CCNL1: variants seen among roughly 807,000 people sequenced by gnomAD.
CCNL1 encodes cyclin L1.
A neutral mutation model predicts 60.6 loss-of-function variants in CCNL1; 13 were observed. The ratio of observed to expected loss-of-function variants is 0.21; its 90% CI spans 0.14 to 0.34. The LOEUF (loss-of-function observed/expected upper bound fraction) is 0.34. CCNL1 is among the 10% of genes least tolerant of loss of function. CCNL1 has a pLI of 1.00. For synonymous variants in CCNL1, 270 were observed against 244.3 expected, an observed-to-expected ratio of 1.10 and a Z score of -0.98; for missense variants, 481 against 664.3, an observed-to-expected ratio of 0.72 and a Z score of 3.03.
Position 157,159,453 on chromosome 3 carries a change from C to T in CCNL1, c.330G>A (p.Leu110=), listed in dbSNP as rs1356609497. 6 of 1,613,804 alleles carry T rather than the reference C, an allele frequency of 3.7e-6. No individual in the cohort carries two copies. In the African/African-American group the frequency reaches 8.0e-5, roughly 22 times the overall value. The change falls in exon 2 of 11, where the codon TTG becomes TTA. Residue 110 remains leucine (L), a synonymous_variant. Transcript: ENST00000295926. ...ATTTGGAGTAGAAAAAACGATGAAA[C>T]AACACCTGCCCCGTTGCCATCGCCA... ...PQVAMATGQV[L]FHRFFYSKSF...
At chr3:157,148,729 T>TC in intron 10 of CCNL1, 140 bp from the exon 11 acceptor site, 1 of 665,122 alleles carries the variant, frequency 1.5e-6, no homozygotes, top group Non-Finnish European at 2.5e-6. Context: ...TCCCCACCCC[T>TC]CACTGCTGTA....
chr3:157,159,540 C>A (rs1464439292), intron 1 of CCNL1, 61 bp from the exon 2 acceptor site: 6 of 1,483,572 alleles, frequency 4.0e-6, no homozygotes, highest in Non-Finnish European at 5.6e-6. Flanking sequence ...CAGGCGCCGC[C>A]GCCATTTTGT....
Position 157,160,120 on chromosome 3 carries a change from C to T in CCNL1, c.-26G>A, listed in dbSNP as rs1250610808. 1.3e-6 allele frequency: 2 copies of T among 1,528,988 alleles called. No individual in the cohort carries two copies. The highest frequency in any genetic ancestry group is 1.8e-6 in the Non-Finnish European group (2 of 1,135,528). The allele number at this position is 1,528,988 out of a possible 1,614,324, so 94.7% of individuals were successfully genotyped here. ...AGTCTTAGCGAGCCGCACGCAAGCC[C>T]AACGCAGCCGGAACCCGAAACAAGA... On this transcript the variant is annotated 5_prime_UTR_variant, in exon 1 of 11. Coordinates refer to ENST00000295926, the MANE Select transcript of CCNL1 (RefSeq NM_020307.4).
rs1300640681 is a variant in CCNL1 at position 157,150,083 on chromosome 3, C to T, written c.861G>A (p.Arg287=). Residue 287 remains arginine, a synonymous_variant, in exon 7 of 11, where the codon AGG becomes AGA. Coordinates refer to ENST00000295926, the MANE Select transcript of CCNL1 (RefSeq NM_020307.4). ...EIQEICIETL[R]LYTRKKPNYE... is the part of the protein sequence containing the mutation. ...AGAATACCTTTTTTCTGGTATAAAG[C>T]CTAAGTGTTTCTATGCAGATTTCCT... The T allele has an allele frequency of 1.2e-6, 2 of 1,612,160 alleles. No homozygotes were observed. The highest frequency in any genetic ancestry group is 1.7e-5 in the Admixed American group (1 of 59,594).
chr3:157,145,212 G>C (rs1195067451), downstream of CCNL1, among the ~76,000 whole-genome samples: 1 of 152,038 alleles, frequency 6.6e-6, no homozygotes, highest in Admixed American at 6.6e-5. Context: ...AAGGCAGGTG[G>C]ATCACAAGGT....
At chr3:157,159,747 G>T in intron 1 of CCNL1, 45 bp downstream of exon 1, 1 of 1,444,382 alleles carries the variant, frequency 6.9e-7, no homozygotes. Flanking sequence ...AGGGGACGGA[G>T]GAGAGGAGAG....
At position 157,152,188 on chromosome 3, in the gene CCNL1, A is replaced by T; in HGVS notation, c.663T>A (p.Val221=). 3.1e-6 allele frequency: 5 copies of T among 1,612,168 alleles called. No individual in the cohort carries two copies. Among genetic ancestry groups the T allele is most frequent in the Non-Finnish European group, 4.2e-6 (5 of 1,179,312 alleles). Residue 221 remains valine, a synonymous_variant, in exon 5 of 11, where the codon GTT becomes GTA. Coordinates refer to ENST00000295926, the MANE Select transcript of CCNL1 (RefSeq NM_020307.4). The part of the protein sequence containing the change: ...VLECERNQTL[V]QTAWNYMNDS... The stretch of plus-strand genomic sequence containing the variant: ...AAAAAGTGACTTACCAGGCAGTTTG[A>T]ACCAGGGTTTGATTACGTTCACATT...
chr3:157,154,521 T>G (rs1449199708), intron 3 of CCNL1: 1 of 152,162 alleles, frequency 6.6e-6, no homozygotes, highest in Non-Finnish European at 1.5e-5. Context: ...CAGAAAAATG[T>G]AATCTCATAT....
At position 157,149,606 on chromosome 3, in the gene CCNL1, G is replaced by T; in HGVS notation, c.1022-10C>A. ...ACTTCTCTTGGTGATGCTTTTAAAA[G>T]ATATAATAACAACATGTTAACTACT... On this transcript the variant is annotated splice_polypyrimidine_tract_variant and intron_variant, in intron 8 of 10. Transcript: ENST00000295926. 1 of 1,606,594 alleles carries T rather than the reference G, an allele frequency of 6.2e-7. No homozygotes were observed. Among genetic ancestry groups the T allele is most frequent in the East Asian group, 2.2e-5 (1 of 44,840 alleles).
chr3:157,155,486 A>AAT (rs1738543481), intron 3 of CCNL1, among the ~76,000 whole-genome samples: 1 of 152,200 alleles, frequency 6.6e-6, no homozygotes, highest in African/African-American at 2.4e-5. Flanking sequence ...ACTATAATTC[A>AAT]ATATATACTT....
At chr3:157,151,696 T>C (rs1311539147) in intron 5 of CCNL1, 8 of 1,000,404 alleles carry the variant, frequency 8.0e-6, no homozygotes, top group Non-Finnish European at 9.5e-6. Context: ...GTTACAAGTA[T>C]ACATTAAATA....
In CCNL1 at chr3:157,149,288, G is replaced by A. The variant is rs771156688; in HGVS notation, c.1231C>T (p.His411Tyr). The change falls in exon 10 of 11, where the codon CAC becomes TAC. Residue 411 changes from histidine to tyrosine, a missense_variant and splice_region_variant. By Grantham distance (83) the His-to-Tyr change is moderately conservative. Around this residue, in one of 5 missense-constraint regions of CCNL1, gnomAD observed 197 missense variants for 233.9 expected, o/e 0.84. Coordinates refer to ENST00000295926, the MANE Select transcript of CCNL1 (RefSeq NM_020307.4). ...TTCCCTAAGAAAACATTTACTTACT[G>A]TCTTCTTGGAGTATGTGATCTAGAA... ...SRSRSHTPRRHYNNRRSRSGT... is the reference protein window; with the variant it reads ...SRSRSHTPRRYYNNRRSRSGT... 3 of 1,607,416 alleles carry A rather than the reference G, an allele frequency of 1.9e-6. No individual in the cohort carries two copies. Among genetic ancestry groups the A allele is most frequent in the Non-Finnish European group, 2.6e-6 (3 of 1,174,046 alleles).
At position 157,159,789 on chromosome 3, in the gene CCNL1, G is replaced by A. The variant is rs1738943666; in HGVS notation, c.303+3C>T. 1 of 1,533,248 alleles carries A rather than the reference G, an allele frequency of 6.5e-7. No homozygotes were observed. The highest frequency in any genetic ancestry group is 2.5e-5 in the East Asian group (1 of 40,488). 95.0% of individuals were successfully genotyped at this position (1,533,248 alleles called of 1,614,324 possible). A position where few individuals can be genotyped will look rare whatever the true frequency, so the allele number is the denominator to read the frequency against. Reference sequence around the variant, plus strand: ...CCGGCCGGCCCGGGGCCGGAGCACTGACCTGCGGCAGCCGGAGGAGAATGC... The same window carrying A: ...CCGGCCGGCCCGGGGCCGGAGCACTAACCTGCGGCAGCCGGAGGAGAATGC... On this transcript the variant is annotated splice_donor_region_variant and intron_variant, in intron 1 of 10. Transcript: ENST00000295926.
At chr3:157,153,002 C>G (rs753380881) in intron 4 of CCNL1, 34 bp downstream of exon 4, 9 of 1,608,264 alleles carry the variant, frequency 5.6e-6, no homozygotes, top group Non-Finnish European at 7.6e-6. Context: ...AGTCCTAATA[C>G]TTACGAACCC....
intron 1 of CCNL1, 147 bp downstream of exon 1, chr3:157,159,645 G>T: frequency 1.0e-6 from 1 of 1,003,762 alleles, no homozygotes; most frequent in Non-Finnish European, 1.4e-6. Context: ...CCCCCGCCCC[G>T]GCACGCCCCG....
intron 3 of CCNL1, among the ~76,000 whole-genome samples, chr3:157,157,941 C>T (rs931575001): frequency 9.9e-5 from 15 of 152,172 alleles, no homozygotes; most frequent in East Asian, 3.8e-4. Context: ...CCCAGAACAA[C>T]TTATAATCCT....
chr3:157,146,550 G>A, downstream of CCNL1: 2 of 448,914 alleles, frequency 4.5e-6, no homozygotes, highest in Non-Finnish European at 8.9e-6. Context: ...TGAGGTGGGA[G>A]GATCACTTGA....
chr3:157,144,669 T>C (rs1737730252), downstream of CCNL1, among the ~76,000 whole-genome samples: 1 of 152,260 alleles, frequency 6.6e-6, no homozygotes, highest in Admixed American at 6.5e-5. Flanking sequence ...TATTTCCACA[T>C]AGGGAAGTGA....
At chr3:157,145,527 A>G (rs1737759746), downstream of CCNL1, among the ~76,000 whole-genome samples, 1 of 151,846 alleles carries the variant, frequency 6.6e-6, no homozygotes, top group African/African-American at 2.4e-5. Context: ...ATTAGGACAA[A>G]TAACATTTTC....
Sources: gnomAD v4.1 joint callset for allele counts (sites outside exome capture counted in the v4.1 genomes callset) on GRCh38, gnomAD v4.1.1 for gene constraint, gnomAD v4.1.1 regional missense constraint, MANE v1.5 for transcripts, NCBI Gene and HGNC (gene_info 2026-07-23, HGNC 2026-07-21) for gene names.